Variants in PLCH1 observed in about 807,000 individuals in gnomAD.
PLCH1 encodes the protein phospholipase C eta 1, also known as 1-phosphatidylinositol 4,5-bisphosphate phosphodiesterase eta-1.
PLCH1 carries 60 observed loss-of-function variants against 126.7 expected under a neutral mutation model. The observed-to-expected ratio is 0.47, with a 90% CI of 0.38 to 0.59. The LOEUF (loss-of-function observed/expected upper bound fraction) is 0.59, where lower values mean the gene tolerates loss of function less well. PLCH1 is among the 20% of genes least tolerant of loss of function. The pLI, the probability that PLCH1 is intolerant of heterozygous loss-of-function variation, is 0.00. For missense variants in PLCH1, 1,723 were observed against 2,040.0 expected (o/e 0.84, Z 2.99); for synonymous variants, 719 against 734.9 (o/e 0.98, Z 0.35).
At chr3:155,538,016 G>A (rs960696122) in intron 10 of PLCH1, among the ~76,000 whole-genome samples, 4 of 151,858 alleles carry the variant, frequency 2.6e-5, no homozygotes, top group Non-Finnish European at 5.9e-5. Flanking sequence ...AAGTCTCAAC[G>A]AATTTAAGAA....
chr3:155,453,057 T>C (rs1208380883), intron 21 of PLCH1, among the ~76,000 whole-genome samples: 1 of 152,182 alleles, frequency 6.6e-6, no homozygotes, highest in Non-Finnish European at 1.5e-5. Context: ...CCCTAAATTC[T>C]GATGAAGCTT....
chr3:155,640,473 C>T (rs1739273004), intron 2 of PLCH1, among the ~76,000 whole-genome samples: 1 of 152,218 alleles, frequency 6.6e-6, no homozygotes, highest in Non-Finnish European at 1.5e-5. Flanking sequence ...ATGGGATACT[C>T]ATCTTTACAA....
intron 2 of PLCH1, among the ~76,000 whole-genome samples, chr3:155,692,762 A>AT (rs35785650): frequency 3.1e-3 from 458 of 148,114 alleles, no homozygotes; most frequent in East Asian, 6.0e-3. Flanking sequence ...ATCATTAGCA[A>AT]TTTTTTTTTT....
At chr3:155,657,604 C>G (rs964918506) in intron 2 of PLCH1, among the ~76,000 whole-genome samples, 1 of 152,118 alleles carries the variant, frequency 6.6e-6, no homozygotes, top group Non-Finnish European at 1.5e-5. Context: ...CTATTATTTC[C>G]AAAATATTTA....
chr3:155,710,478 TCAA>T (rs1203488744), intron 1 of PLCH1, among the ~76,000 whole-genome samples: 2 of 152,144 alleles, frequency 1.3e-5, no homozygotes, highest in Non-Finnish European at 2.9e-5. Context: ...TTACAATGAT[TCAA>T]AACATAATTG....
chr3:155,653,190 T>G (rs868469088), intron 2 of PLCH1, among the ~76,000 whole-genome samples: 1 of 130,940 alleles, frequency 7.6e-6, no homozygotes, highest in Non-Finnish European at 1.7e-5. Context: ...TAGATATAGA[T>G]ATATAGATAT....
intron 6 of PLCH1, among the ~76,000 whole-genome samples, chr3:155,570,260 TAA>T (rs1364307641): frequency 3.3e-5 from 5 of 152,168 alleles, no homozygotes; most frequent in African/African-American, 1.2e-4. Context: ...ATTTAAGTTA[TAA>T]GTTTATTGTA....
intron 2 of PLCH1, among the ~76,000 whole-genome samples, chr3:155,600,771 C>T (rs13314098): frequency 0.21 from 31,750 of 152,094 alleles, 4,364 homozygotes; most frequent in African/African-American, 0.39. Flanking sequence ...CACTCTGCTT[C>T]TTTCATTTGT....
rs1714323525 is a variant in PLCH1 at position 155,482,564 on chromosome 3, G to A, written c.3462C>T (p.Asp1154=). Residue 1154 remains aspartate, a synonymous_variant, in exon 23 of 23, where the codon GAC becomes GAT. Coordinates refer to ENST00000460012, the MANE Select transcript of PLCH1 (RefSeq NM_014996.4). The part of the protein sequence containing the change: ...SLSDVSMLCS[D]IPDLHSTAIL... ...TTGCAGTTGAATGTAGGTCAGGTAT[G>A]TCAGAACAGAGCATGGAGACGTCTG... The A allele has an allele frequency of 1.2e-6, 2 of 1,614,070 alleles. No homozygotes were observed. The highest frequency in any genetic ancestry group is 1.6e-4 in the Middle Eastern group (1 of 6,084).
chr3:155,670,728 T>C (rs956095781), intron 2 of PLCH1, among the ~76,000 whole-genome samples: 3 of 152,124 alleles, frequency 2.0e-5, no homozygotes, highest in Non-Finnish European at 4.4e-5. Context: ...AATACCACTT[T>C]TACATCACCC....
At chr3:155,554,034 G>C (rs1560157940) in intron 9 of PLCH1, 42 bp downstream of exon 9, 1 of 1,601,810 alleles carries the variant, frequency 6.2e-7, no homozygotes. Flanking sequence ...AATGCTCCAT[G>C]CGGGAGGCTA....
chr3:155,481,023 T>A lies in PLCH1; in HGVS notation c.5003A>T (p.Gln1668Leu). Residue 1668 changes from glutamine (Q) to leucine (L), a missense_variant, in exon 23 of 23, where the codon CAG (glutamine) becomes CTG (leucine). Gln to Leu is a moderately radical substitution (Grantham distance 113). Coordinates refer to ENST00000460012, the MANE Select transcript of PLCH1 (RefSeq NM_014996.4). The surrounding 1 kb of genome is among the most constrained non-coding windows in gnomAD (Gnocchi z 4.2). Reference sequence around the variant, plus strand: ...TTTATCATCACTGCTTGGCTCAGTCTGCAAAACAGAATTATCTGAACAAAA... The same window carrying A: ...TTTATCATCACTGCTTGGCTCAGTCAGCAAAACAGAATTATCTGAACAAAA... ...DQFCSDNSVL[Q>L]TEPSSDDKPE... 6.2e-7 allele frequency: 1 copy of A among 1,610,462 alleles called. No homozygotes were observed.
At chr3:155,540,866 T>C (rs997256842) in intron 10 of PLCH1, among the ~76,000 whole-genome samples, 1 of 152,202 alleles carries the variant, frequency 6.6e-6, no homozygotes, top group African/African-American at 2.4e-5. Flanking sequence ...AATATTTTCC[T>C]CTTGGTAGAT....
chr3:155,623,065 C>T (rs1422875005), intron 2 of PLCH1, among the ~76,000 whole-genome samples: 1 of 152,204 alleles, frequency 6.6e-6, no homozygotes, highest in African/African-American at 2.4e-5. Context: ...CAAACAGTCT[C>T]TCAGACCACA....
In PLCH1 at chr3:155,481,738, G is replaced by A. The variant is rs1368753771; in HGVS notation, c.4288C>T (p.Gln1430Ter). The change falls in exon 23 of 23, where the codon CAG (glutamine) becomes TAG (stop). Residue 1430 changes from glutamine to a stop codon, truncating the protein, a stop_gained. Coordinates refer to ENST00000460012, the MANE Select transcript of PLCH1 (RefSeq NM_014996.4). LOFTEE classifies it low-confidence loss of function (END_TRUNC). This position sits in a 1 kb window ranked among gnomAD's most constrained non-coding sequence, Gnocchi z 4.2. The stretch of plus-strand genomic sequence containing the variant: ...TGATTATGCACAAAGCCAGCACCCT[G>A]ATAGGCTAGATAAGAAATACTTTGA... ...KTQSISYLAY[Q>*]GAGFVHNHFS... is the part of the protein sequence containing the mutation. The A allele has an allele frequency of 3.7e-6, 6 of 1,614,034 alleles. No homozygotes were observed. The highest frequency in any genetic ancestry group is 5.1e-6 in the Non-Finnish European group (6 of 1,180,006).
chr3:155,653,047 C>T (rs1740886419), intron 2 of PLCH1, among the ~76,000 whole-genome samples: 1 of 152,014 alleles, frequency 6.6e-6, no homozygotes, highest in African/African-American at 2.4e-5. Context: ...AAGACTACTG[C>T]CACGTGGGTG....
chr3:155,612,765 G>A (rs531279941), intron 2 of PLCH1, among the ~76,000 whole-genome samples: 12 of 151,798 alleles, frequency 7.9e-5, no homozygotes, highest in African/African-American at 1.7e-4. Flanking sequence ...AAAATTAGCC[G>A]GGCGTGGTGG....
In PLCH1 at chr3:155,520,559, C is replaced by T. The variant is rs534603951; in HGVS notation, c.1470+3338G>A. Among the ~76,000 whole-genome samples the T allele has an allele frequency of 5.3e-5, 8 of 152,288 alleles. No individual in the cohort carries two copies. In the East Asian group the frequency reaches 1.5e-3, roughly 29 times the overall value. ...GCACAAGATAAAAGACACTGCATAA[C>T]TCAGCAGAAGCAGAAAAAAATTAAT... On this transcript the variant is annotated intron_variant, in intron 11 of 22. Transcript: ENST00000460012.
chr3:155,656,163 A>G (rs1472542799), intron 2 of PLCH1, among the ~76,000 whole-genome samples: 1 of 141,838 alleles, frequency 7.1e-6, no homozygotes, highest in Non-Finnish European at 1.6e-5. Context: ...AATAGAGAAA[A>G]TTACCCCCCC....
Sources: gnomAD v4.1 joint callset for allele counts (sites outside exome capture counted in the v4.1 genomes callset) on GRCh38, gnomAD v4.1.1 for gene constraint, Gnocchi (gnomAD v3.1) non-coding constraint, MANE v1.5 for transcripts, NCBI Gene and HGNC (gene_info 2026-07-23, HGNC 2026-07-21) for gene names.